HMCN1: variants seen among roughly 807,000 people sequenced by gnomAD.
HMCN1 encodes the protein hemicentin-1.
HMCN1 carries 321 observed loss-of-function variants against 625.9 expected under a neutral mutation model. That is an observed-to-expected ratio of 0.51 (90% CI 0.47 to 0.56). The LOEUF (loss-of-function observed/expected upper bound fraction) is 0.56, where lower values mean the gene tolerates loss of function less well. HMCN1 is among the 20% of genes least tolerant of loss of function. HMCN1 has a pLI of 0.00. For synonymous variants in HMCN1, 2,425 were observed against 2,417.6 expected, an observed-to-expected ratio of 1.00 and a Z score of -0.09; for missense variants, 6,588 against 6,887.3, an observed-to-expected ratio of 0.96 and a Z score of 1.54.
intron 1 of HMCN1, among the ~76,000 whole-genome samples, chr1:185,841,037 T>A (rs1489206395): frequency 6.6e-6 from 1 of 152,176 alleles, no homozygotes; most frequent in Admixed American, 6.6e-5. Flanking sequence ...AGGCTGGATA[T>A]TGATCTTGCC....
rs554876718 is a variant in HMCN1, at chr1:186,175,825, G to A, written c.15943+1183G>A. ...CTTGATGTGGAGGTTGCAGTGAGCC[G>A]AGATTGCATCACTGCACTCCAGCCT... On this transcript the variant is annotated intron_variant, in intron 103 of 106. Coordinates refer to ENST00000271588, the MANE Select transcript of HMCN1 (RefSeq NM_031935.3). Among the ~76,000 whole-genome samples the A allele has an allele frequency of 7.8e-5, 11 of 140,338 alleles. No individual in the cohort carries two copies. The East Asian group carries it at 1.6e-3, about 21-fold the overall frequency. The allele number at this position is 140,338 out of a possible 152,430, so 92.1% of individuals were successfully genotyped here.
rs1663157595 is a variant in HMCN1, at chr1:185,865,845, C to CA, written c.609dup (p.Gln204ThrfsTer3). On this transcript the variant is annotated frameshift_variant, in exon 4 of 107. Transcript: ENST00000271588. LOFTEE classifies it high-confidence loss of function. ...GTTCTGGTCAAGTGTTCCATCTGGA[C>CA]AAAAAACAAGTTAATGAGGTCAGTT... is the stretch of plus-strand genomic sequence containing the variant. The CA allele has an allele frequency of 6.2e-7, 1 of 1,612,770 alleles. No individual in the cohort carries two copies. The highest frequency in any genetic ancestry group is 1.3e-5 in the African/African-American group (1 of 74,646).
At chr1:186,034,890 C>A (rs1376072049) in intron 36 of HMCN1, among the ~76,000 whole-genome samples, 2 of 152,086 alleles carry the variant, frequency 1.3e-5, no homozygotes, top group African/African-American at 4.8e-5. Flanking sequence ...GTCTGGCATT[C>A]TTGCTGACAT....
At chr1:186,132,185 G>A (rs77123846) in intron 85 of HMCN1, 143 bp from the exon 86 acceptor site, 34,735 of 704,440 alleles carry the variant, frequency 0.049, 1,128 homozygotes, top group Middle Eastern at 0.1. Context: ...TATTTAAGAG[G>A]TTAGACATAT....
At chr1:186,154,111 T>A in intron 97 of HMCN1, 124 bp downstream of exon 97, 1 of 799,522 alleles carries the variant, frequency 1.3e-6, no homozygotes, top group East Asian at 2.6e-5. Flanking sequence ...GTGTTGTCTA[T>A]GCCTTTTTGT....
intron 54 of HMCN1, among the ~76,000 whole-genome samples, chr1:186,076,909 A>G (rs1275829098): frequency 6.6e-6 from 1 of 152,186 alleles, no homozygotes; most frequent in Non-Finnish European, 1.5e-5. Context: ...TTAGTGCAAT[A>G]AGATAATCAG....
At chr1:185,986,233 C>T (rs891721919) in intron 19 of HMCN1, among the ~76,000 whole-genome samples, 6 of 152,176 alleles carry the variant, frequency 3.9e-5, no homozygotes, top group Non-Finnish European at 8.8e-5. Context: ...TGTAGCATAT[C>T]TAATCTAAGC....
intron 73 of HMCN1, 81 bp downstream of exon 73, chr1:186,114,204 G>A: frequency 1.4e-6 from 2 of 1,398,588 alleles, no homozygotes; most frequent in Non-Finnish European, 2.0e-6. Flanking sequence ...CACTATTTTG[G>A]TCTCATTATG....
intron 42 of HMCN1, among the ~76,000 whole-genome samples, chr1:186,049,740 AAAAAT>A (rs1488933689): frequency 2.6e-5 from 4 of 152,074 alleles, no homozygotes; most frequent in African/African-American, 7.2e-5. Flanking sequence ...ATTTTTAAAT[AAAAAT>A]AAAACTAGAT....
At chr1:185,794,355 A>G (rs184535244) in intron 1 of HMCN1, among the ~76,000 whole-genome samples, 3 of 151,746 alleles carry the variant, frequency 2.0e-5, no homozygotes, top group Admixed American at 2.0e-4. Flanking sequence ...ATATATATAT[A>G]TATATGTGAG....
At chr1:186,122,064 T>C (rs938680838) in intron 80 of HMCN1, among the ~76,000 whole-genome samples, 1 of 152,140 alleles carries the variant, frequency 6.6e-6, no homozygotes, top group African/African-American at 2.4e-5. Flanking sequence ...TGTTTCTTCA[T>C]GAAATGATTG....
Position 186,171,967 on chromosome 1 carries a change from A to G in HMCN1, c.15689-39A>G. On this transcript the variant is annotated intron_variant, in intron 101 of 106. Coordinates refer to ENST00000271588, the MANE Select transcript of HMCN1 (RefSeq NM_031935.3). ...ATTTCTCTGGAAAAGTTGAATAAAT[A>G]ATTTTCTTAATCTACATTACCTTTG... is the stretch of plus-strand genomic sequence containing the variant. 1.9e-6 allele frequency: 3 copies of G among 1,597,342 alleles called. No homozygotes were observed. The South Asian group carries it at 3.4e-5, about 18-fold the overall frequency.
intron 1 of HMCN1, among the ~76,000 whole-genome samples, chr1:185,802,279 G>A (rs1399496319): frequency 6.6e-6 from 1 of 152,078 alleles, no homozygotes; most frequent in Non-Finnish European, 1.5e-5. Context: ...AAGGGTAGAG[G>A]TGAAATGATA....
intron 11 of HMCN1, among the ~76,000 whole-genome samples, chr1:185,948,995 A>G (rs1278636630): frequency 1.3e-4 from 19 of 151,812 alleles, no homozygotes; most frequent in Non-Finnish European, 1.5e-5. Context: ...ACGGTTTTGG[A>G]TGAATTGAGA....
chr1:186,141,483 GAGTGT>G (rs772662262), intron 89 of HMCN1, among the ~76,000 whole-genome samples: 29 of 152,300 alleles, frequency 1.9e-4, no homozygotes, highest in Middle Eastern at 3.4e-3. Context: ...TTAGTTAGAA[GAGTGT>G]TTTTAAACTG....
intron 1 of HMCN1, among the ~76,000 whole-genome samples, chr1:185,835,452 C>A (rs2102297979): frequency 6.6e-6 from 1 of 152,250 alleles, no homozygotes; most frequent in Admixed American, 6.5e-5. Context: ...GGTGGGATGG[C>A]TCAAATGTGG....
chr1:186,180,826 A>G (rs1652886816), intron 104 of HMCN1, among the ~76,000 whole-genome samples: 1 of 152,188 alleles, frequency 6.6e-6, no homozygotes, highest in East Asian at 1.9e-4. Flanking sequence ...ATTTTATAGT[A>G]TTGGGACTAA....
At chr1:185,753,843 C>T (rs1305519005) in intron 1 of HMCN1, among the ~76,000 whole-genome samples, 1 of 152,094 alleles carries the variant, frequency 6.6e-6, no homozygotes, top group Admixed American at 6.5e-5. Flanking sequence ...TTAGTATAAC[C>T]ATTATGGAAA....
intron 2 of HMCN1, among the ~76,000 whole-genome samples, chr1:185,846,787 G>A (rs1661848947): frequency 6.6e-6 from 1 of 152,020 alleles, no homozygotes; most frequent in Non-Finnish European, 1.5e-5. Context: ...TTCCTCCCCA[G>A]GACTGCCATT....
Sources: allele counts gnomAD v4.1 joint callset (sites outside exome capture counted in the v4.1 genomes callset), GRCh38; gene constraint gnomAD v4.1.1; transcripts MANE v1.5; gene names NCBI Gene and HGNC (gene_info 2026-07-23, HGNC 2026-07-21).